Variants in SAMD5 observed in about 807,000 individuals in gnomAD.
SAMD5 encodes sterile alpha motif domain-containing protein 5.
In SAMD5, 13 loss-of-function variants were observed where a neutral mutation model predicts 11.3. That is an observed-to-expected ratio of 1.15 (90% CI 0.75 to 1.83). The LOEUF (loss-of-function observed/expected upper bound fraction) is 1.83, where lower values mean the gene tolerates loss of function less well. Ranked by LOEUF, SAMD5 falls within the 40% of genes most tolerant of loss-of-function variation. SAMD5 has a pLI of 0.00. For missense variants in SAMD5, 255 were observed against 239.1 expected (o/e 1.07, Z -0.44); for synonymous variants, 129 against 111.3 (o/e 1.16, Z -1.00).
chr6:147,636,915 A>ATT (rs34637969), intron 1 of SAMD5, among the ~76,000 whole-genome samples: 29 of 150,392 alleles, frequency 1.9e-4, no homozygotes, highest in East Asian at 3.9e-4. Flanking sequence ...GACTTAAGGA[A>ATT]TTTTTTTTTT....
chr6:147,594,750 C>T (rs919987809), intron 1 of SAMD5, among the ~76,000 whole-genome samples: 9 of 152,184 alleles, frequency 5.9e-5, no homozygotes, highest in African/African-American at 2.2e-4. Context: ...ACCAACCAGG[C>T]ATCTCTCAGA....
At chr6:147,944,952 T>C in the SAMD5 span, among the ~76,000 whole-genome samples, 1 of 152,204 alleles carries the variant, frequency 6.6e-6, no homozygotes, top group Admixed American at 6.5e-5. Flanking sequence ...TCTCCCTTCA[T>C]GTGTCTTATA....
chr6:147,871,843 T>A, the SAMD5 span, among the ~76,000 whole-genome samples: 1 of 152,214 alleles, frequency 6.6e-6, no homozygotes, highest in Non-Finnish European at 1.5e-5. Flanking sequence ...CCTGCTACGT[T>A]CTAAATTTTA....
downstream of SAMD5, chr6:147,570,080 G>A (rs1455843854): frequency 2.1e-5 from 19 of 893,156 alleles, no homozygotes; most frequent in Non-Finnish European, 2.5e-5. Flanking sequence ...TGGAGTTTGT[G>A]CATTGTTTAA....
the SAMD5 span, among the ~76,000 whole-genome samples, chr6:147,769,836 T>C: frequency 6.6e-6 from 1 of 152,198 alleles, no homozygotes; most frequent in South Asian, 2.1e-4. Context: ...GAAATTACAC[T>C]TTCCCTTTGG....
the SAMD5 span, among the ~76,000 whole-genome samples, chr6:147,749,298 T>C: frequency 6.6e-6 from 1 of 151,910 alleles, no homozygotes; most frequent in African/African-American, 2.4e-5. Flanking sequence ...GCCTCCCAAG[T>C]AGCTGGGATT....
chr6:147,591,490 A>G (rs1371466971), intron 1 of SAMD5, among the ~76,000 whole-genome samples: 9 of 152,118 alleles, frequency 5.9e-5, no homozygotes, highest in Non-Finnish European at 1.3e-4. Flanking sequence ...CCACTTACAT[A>G]CTAAGAACAG....
At chr6:147,556,949 C>T (rs986044444) in intron 1 of SAMD5, among the ~76,000 whole-genome samples, 22 of 152,166 alleles carry the variant, frequency 1.4e-4, no homozygotes, top group Non-Finnish European at 2.9e-4. Context: ...AATAAACCAG[C>T]GGATATTTTG....
chr6:147,515,098 C>T (rs1229055113), intron 1 of SAMD5, among the ~76,000 whole-genome samples: 2 of 149,016 alleles, frequency 1.3e-5, no homozygotes, highest in Non-Finnish European at 3.0e-5. Flanking sequence ...TTACTAGGGA[C>T]AGATTGGAAG....
In SAMD5 at chr6:147,687,897, C is replaced by G. The variant is rs1285312385; in HGVS notation, c.163-49420C>G. Among the ~76,000 whole-genome samples the G allele has an allele frequency of 2.6e-5, 4 of 152,124 alleles. No individual in the cohort carries two copies. In the South Asian group the frequency reaches 8.3e-4, roughly 31 times the overall value. On this transcript the variant is annotated intron_variant, in intron 1 of 1. Coordinates refer to the SAMD5 transcript ENST00000566741. ...AAATAGTAATGTGACATGTATAAGT[C>G]TGATTTTCCTGCTTGAAATTCACTG...
At chr6:147,562,784 T>C (rs915294220) in intron 1 of SAMD5, among the ~76,000 whole-genome samples, 3 of 151,592 alleles carry the variant, frequency 2.0e-5, no homozygotes. Context: ...ATCGCACCAC[T>C]GCACTCCAGC....
chr6:147,914,137 A>C, the SAMD5 span, among the ~76,000 whole-genome samples: 1 of 148,942 alleles, frequency 6.7e-6, no homozygotes, highest in Non-Finnish European at 1.5e-5. Context: ...TCCTTAAAAC[A>C]TTATGAGATT....
chr6:147,771,183 T>C, the SAMD5 span, among the ~76,000 whole-genome samples: 1 of 152,188 alleles, frequency 6.6e-6, no homozygotes, highest in South Asian at 2.1e-4. Context: ...AACCTATTAT[T>C]TGTGGCAACT....
chr6:147,603,987 A>G (rs2128448439), intron 1 of SAMD5, among the ~76,000 whole-genome samples: 1 of 152,286 alleles, frequency 6.6e-6, no homozygotes, highest in South Asian at 2.1e-4. Context: ...GGTGGCATGT[A>G]TATTTTTAGG....
intron 1 of SAMD5, among the ~76,000 whole-genome samples, chr6:147,526,046 C>T (rs1242525458): frequency 6.6e-6 from 1 of 152,122 alleles, no homozygotes; most frequent in Non-Finnish European, 1.5e-5. Context: ...TACAACCACA[C>T]TCTTCAAATA....
the SAMD5 span, among the ~76,000 whole-genome samples, chr6:147,878,573 A>T: frequency 6.8e-6 from 1 of 147,994 alleles, no homozygotes; most frequent in Non-Finnish European, 1.5e-5. Context: ...TATACTAGAT[A>T]TATCTCTATA....
At chr6:147,640,393 A>T (rs1295225161) in intron 1 of SAMD5, among the ~76,000 whole-genome samples, 1 of 144,438 alleles carries the variant, frequency 6.9e-6, no homozygotes, top group Non-Finnish European at 1.5e-5. Context: ...GCTACTCCGG[A>T]GGCTGAGATA....
At chr6:147,622,431 T>G (rs372901454) in intron 1 of SAMD5, among the ~76,000 whole-genome samples, 1 of 152,220 alleles carries the variant, frequency 6.6e-6, no homozygotes, top group East Asian at 1.9e-4. Flanking sequence ...CCCACGGATA[T>G]GGAGGGCCAA....
At chr6:147,594,258 C>T (rs1301236431) in intron 1 of SAMD5, among the ~76,000 whole-genome samples, 1 of 152,140 alleles carries the variant, frequency 6.6e-6, no homozygotes. Flanking sequence ...TTTCCCTCTC[C>T]TTTGCTCATC....
Sources: gnomAD v4.1 joint callset for allele counts (sites outside exome capture counted in the v4.1 genomes callset) on GRCh38, gnomAD v4.1.1 for gene constraint, MANE v1.5 for transcripts, NCBI Gene and HGNC (gene_info 2026-07-23, HGNC 2026-07-21) for gene names.